SGCZ: variants seen among roughly 807,000 people sequenced by gnomAD.
SGCZ encodes sarcoglycan zeta.
A neutral mutation model predicts 41.3 loss-of-function variants in SGCZ; 40 were observed. The observed-to-expected ratio is 0.97, with a 90% CI of 0.75 to 1.26. The LOEUF (loss-of-function observed/expected upper bound fraction) is 1.26, where lower values mean the gene tolerates loss of function less well. Among genes scored for constraint, SGCZ ranks in the 50% most tolerant of loss-of-function variants. The probability of loss-of-function intolerance (pLI) is 0.00; values close to 1 mark genes in which losing one functional copy is unlikely to be tolerated. For synonymous variants in SGCZ, 206 were observed against 137.5 expected (o/e 1.50, Z -3.49); for missense variants, 552 against 369.8 (o/e 1.49, Z -4.04).
Position 14,245,092 on chromosome 8 carries a change from T to C in SGCZ, c.337-7413A>G, listed in dbSNP as rs1303066110. ...TAATTGAATACCCTTTATTTCCTTC[T>C]CCTGCCTAATTGCCCTGGCCAGAAC... On this transcript the variant is annotated intron_variant, in intron 3 of 7. Transcript: ENST00000382080. Among the ~76,000 whole-genome samples the C allele has an allele frequency of 2.0e-5, 3 of 152,316 alleles. No homozygotes were observed. The East Asian group carries it at 5.8e-4, about 29-fold the overall frequency.
At chr8:14,322,208 A>G (rs1000394406) in intron 3 of SGCZ, among the ~76,000 whole-genome samples, 1 of 152,154 alleles carries the variant, frequency 6.6e-6, no homozygotes, top group Non-Finnish European at 1.5e-5. Flanking sequence ...TTCTTGCACC[A>G]GATTTCCTGT....
chr8:14,965,624 A>G lies in SGCZ; in HGVS notation c.39+271961T>C, dbSNP rs1030921362. Among the ~76,000 whole-genome samples, 11 of 152,194 alleles carry G rather than the reference A, an allele frequency of 7.2e-5. No individual in the cohort carries two copies. In the East Asian group the frequency reaches 1.9e-3, roughly 27 times the overall value. ...TAGAGAGAGGAATTTAAAGCATTAC[A>G]GTCTTAATCAAGATATTAACATAGC... On this transcript the variant is annotated intron_variant, in intron 1 of 7. Coordinates refer to ENST00000382080, the MANE Select transcript of SGCZ (RefSeq NM_139167.4).
At chr8:14,115,060 A>G (rs1487676926) in intron 5 of SGCZ, among the ~76,000 whole-genome samples, 1 of 152,006 alleles carries the variant, frequency 6.6e-6, no homozygotes, top group Non-Finnish European at 1.5e-5. Flanking sequence ...AAATGAAAAA[A>G]TTACAGTGGA....
chr8:14,505,018 T>G (rs530397355), intron 2 of SGCZ, among the ~76,000 whole-genome samples: 3 of 152,056 alleles, frequency 2.0e-5, no homozygotes, highest in African/African-American at 7.2e-5. Flanking sequence ...CTCCTAGATA[T>G]AAAATTTATT....
intron 1 of SGCZ, among the ~76,000 whole-genome samples, chr8:14,571,156 G>C (rs912039367): frequency 1.3e-5 from 2 of 152,196 alleles, no homozygotes; most frequent in East Asian, 1.9e-4. Context: ...CAAGTACCTT[G>C]TCTGCAAGGT....
In SGCZ at chr8:14,662,837, G is replaced by A. The variant is rs565598663; in HGVS notation, c.40-107911C>T. ...AAGAGTGGGTCTGAGAGATGCAACA[G>A]GAGAAGAATTTGACTTGCTTTTCCA... On this transcript the variant is annotated intron_variant, in intron 1 of 7. Transcript: ENST00000382080. Among the ~76,000 whole-genome samples the A allele has an allele frequency of 2.6e-5, 4 of 152,248 alleles. No homozygotes were observed. The East Asian group carries it at 7.7e-4, about 29-fold the overall frequency.
chr8:14,982,316 T>C lies in SGCZ; in HGVS notation c.39+255269A>G, dbSNP rs1186083785. On this transcript the variant is annotated intron_variant, in intron 1 of 7. Coordinates refer to ENST00000382080, the MANE Select transcript of SGCZ (RefSeq NM_139167.4). Reference sequence around the variant, plus strand: ...TTGCCAAGTCCGTGGAGTTCAAAGATAGGCCAAGCCAGATTTCAATACTTG... The same window carrying C: ...TTGCCAAGTCCGTGGAGTTCAAAGACAGGCCAAGCCAGATTTCAATACTTG... 3.9e-5 allele frequency among the ~76,000 whole-genome samples: 6 copies of C among 152,216 alleles called. No individual in the cohort carries two copies. In the East Asian group the frequency reaches 5.8e-4, roughly 15 times the overall value.
At chr8:14,662,899 G>A (rs7821495) in intron 1 of SGCZ, among the ~76,000 whole-genome samples, 1 of 152,180 alleles carries the variant, frequency 6.6e-6, no homozygotes, top group East Asian at 1.9e-4. Context: ...TGAGCCAAGG[G>A]ATGTGACAGT....
At chr8:14,335,440 A>C (rs1303311987) in intron 2 of SGCZ, among the ~76,000 whole-genome samples, 1 of 152,030 alleles carries the variant, frequency 6.6e-6, no homozygotes, top group African/African-American at 2.4e-5. Flanking sequence ...AATCTGGTTA[A>C]TTTCATTACA....
intron 1 of SGCZ, among the ~76,000 whole-genome samples, chr8:14,833,412 G>A (rs753898174): frequency 1.3e-5 from 2 of 152,068 alleles, no homozygotes; most frequent in East Asian, 1.9e-4. Context: ...ACACCTTGTC[G>A]GCTCGTGTCT....
At chr8:14,543,954 G>A (rs114747597) in intron 2 of SGCZ, among the ~76,000 whole-genome samples, 2,795 of 152,098 alleles carry the variant, frequency 0.018, 82 homozygotes, top group African/African-American at 0.061. Context: ...CCCATCACCA[G>A]TGTTTGTGAG....
chr8:15,222,865 C>T (rs1801650124), intron 1 of SGCZ, among the ~76,000 whole-genome samples: 1 of 151,864 alleles, frequency 6.6e-6, no homozygotes, highest in Admixed American at 6.6e-5. Context: ...ATAGTACTCA[C>T]TAACAATTAA....
At chr8:15,231,458 G>T (rs1408878499) in intron 1 of SGCZ, among the ~76,000 whole-genome samples, 2 of 152,028 alleles carry the variant, frequency 1.3e-5, no homozygotes, top group Non-Finnish European at 2.9e-5. Flanking sequence ...TGCTCTTGGA[G>T]GGGTGGTAAC....
intron 1 of SGCZ, among the ~76,000 whole-genome samples, chr8:14,562,935 T>C (rs58882175): frequency 0.12 from 17,804 of 152,196 alleles, 1,426 homozygotes; most frequent in East Asian, 0.23. Context: ...TGTCAGCAAA[T>C]CACCCAGTCA....
chr8:14,459,794 AT>A (rs1800849827), intron 2 of SGCZ, among the ~76,000 whole-genome samples: 1 of 152,214 alleles, frequency 6.6e-6, no homozygotes, highest in Admixed American at 6.5e-5. Context: ...CCATAAGTAA[AT>A]AAATAAAAGC....
intron 1 of SGCZ, among the ~76,000 whole-genome samples, chr8:14,621,801 G>T (rs760507140): frequency 6.6e-6 from 1 of 152,120 alleles, no homozygotes; most frequent in Middle Eastern, 3.4e-3. Flanking sequence ...TGACAAGTTG[G>T]GATTACAATT....
chr8:14,298,338 T>C (rs1159983917), intron 3 of SGCZ, among the ~76,000 whole-genome samples: 2 of 151,940 alleles, frequency 1.3e-5, no homozygotes, highest in South Asian at 2.1e-4. Flanking sequence ...TTCAATATTG[T>C]AGTCAGGCCT....
At chr8:14,169,885 A>G (rs1804324915) in intron 4 of SGCZ, among the ~76,000 whole-genome samples, 1 of 152,074 alleles carries the variant, frequency 6.6e-6, no homozygotes. Context: ...TTAGTGAAAA[A>G]AGAAAGAAAG....
chr8:14,573,321 C>T (rs1408583376), intron 1 of SGCZ, among the ~76,000 whole-genome samples: 2 of 151,622 alleles, frequency 1.3e-5, no homozygotes, highest in Admixed American at 6.6e-5. Context: ...CCTCAGCCTC[C>T]GGAGTAGCTG....
Sources: allele counts gnomAD v4.1 joint callset (sites outside exome capture counted in the v4.1 genomes callset), GRCh38; gene constraint gnomAD v4.1.1; transcripts MANE v1.5; gene names NCBI Gene and HGNC (gene_info 2026-07-23, HGNC 2026-07-21).